Variants in FGGY observed in about 807,000 individuals in gnomAD.
FGGY encodes FGGY carbohydrate kinase domain-containing protein.
A neutral mutation model predicts 71.3 loss-of-function variants in FGGY; 72 were observed. That is an observed-to-expected ratio of 1.01 (90% CI 0.84 to 1.23). The LOEUF is 1.23. Among genes scored for constraint, FGGY ranks in the 50% most tolerant of loss-of-function variants. FGGY has a pLI of 0.00. For synonymous variants in FGGY, 251 were observed against 250.3 expected (o/e 1.00, Z -0.02); for missense variants, 668 against 682.3 (o/e 0.98, Z 0.23).
chr1:59,435,252 G>T (rs2068180645), intron 5 of FGGY, among the ~76,000 whole-genome samples: 1 of 152,152 alleles, frequency 6.6e-6, no homozygotes, highest in Non-Finnish European at 1.5e-5. Flanking sequence ...TTTGCCAGAG[G>T]CTTTGAAGCC....
rs972132396 is a variant in FGGY at position 59,685,869 on chromosome 1, G to C, written c.1512+11736G>C. ...ACCTGTTCAAGCAATCCCCTAGGGG[G>C]TTACTTTGACTGAACTTCAGGCAAC... On this transcript the variant is annotated intron_variant, in intron 14 of 15. Transcript: ENST00000303721. 3.3e-5 allele frequency among the ~76,000 whole-genome samples: 5 copies of C among 152,180 alleles called. No homozygotes were observed. The East Asian group carries it at 9.6e-4, about 29-fold the overall frequency.
At chr1:59,631,630 A>C (rs2096909401) in intron 10 of FGGY, among the ~76,000 whole-genome samples, 1 of 152,188 alleles carries the variant, frequency 6.6e-6, no homozygotes, top group African/African-American at 2.4e-5. Context: ...TGAAAACAGC[A>C]ATGCAGGTCA....
intron 11 of FGGY, among the ~76,000 whole-genome samples, chr1:59,657,691 C>T (rs1331591608): frequency 3.3e-5 from 5 of 152,208 alleles, no homozygotes; most frequent in Non-Finnish European, 5.9e-5. Context: ...CCTGCTTACT[C>T]TGCACCTTTT....
chr1:59,335,905 A>G (rs1360899152), intron 2 of FGGY, among the ~76,000 whole-genome samples: 1 of 152,124 alleles, frequency 6.6e-6, no homozygotes, highest in Non-Finnish European at 1.5e-5. Flanking sequence ...ATGCAAGTAT[A>G]TTATCAGATG....
intron 15 of FGGY, 34 bp from the exon 16 acceptor site, chr1:59,762,469 G>A (rs781684967): frequency 1.9e-6 from 3 of 1,553,592 alleles, no homozygotes; most frequent in East Asian, 4.5e-5. Flanking sequence ...GTTTTGTCTT[G>A]AGATCATTCA....
At chr1:59,694,795 G>A (rs2097642030) in intron 14 of FGGY, among the ~76,000 whole-genome samples, 1 of 151,856 alleles carries the variant, frequency 6.6e-6, no homozygotes, top group South Asian at 2.1e-4. Flanking sequence ...AGGTAGCTGG[G>A]ACTATGGATG....
chr1:59,419,540 C>T (rs2065052687), intron 5 of FGGY, among the ~76,000 whole-genome samples: 1 of 152,128 alleles, frequency 6.6e-6, no homozygotes, highest in African/African-American at 2.4e-5. Flanking sequence ...TCCAAGTATT[C>T]ATCTGAGAAC....
intron 7 of FGGY, among the ~76,000 whole-genome samples, chr1:59,513,834 T>G (rs902022350): frequency 6.6e-6 from 1 of 152,192 alleles, no homozygotes; most frequent in Non-Finnish European, 1.5e-5. Flanking sequence ...ATGCAACGGA[T>G]TATTAAATGG....
At chr1:59,706,510 A>G (rs1314823753) in intron 14 of FGGY, among the ~76,000 whole-genome samples, 2 of 152,214 alleles carry the variant, frequency 1.3e-5, no homozygotes, top group Non-Finnish European at 1.5e-5. Flanking sequence ...TTCACAGCCA[A>G]TTGACTTTGG....
At position 59,638,712 on chromosome 1, in the gene FGGY, C is replaced by T. The variant is rs542905039; in HGVS notation, c.1221+337C>T. Reference sequence around the variant, plus strand: ...TTTCCAGCTGCATCTTTAGGTTGCCCAGTAAATCAGTAGTAAATATTACCA... The same window carrying T: ...TTTCCAGCTGCATCTTTAGGTTGCCTAGTAAATCAGTAGTAAATATTACCA... On this transcript the variant is annotated intron_variant, in intron 11 of 15. Coordinates refer to ENST00000303721, the MANE Select transcript of FGGY (RefSeq NM_018291.5). Among the ~76,000 whole-genome samples the T allele has an allele frequency of 1.0e-3, 159 of 152,290 alleles. 5 individuals carry two copies. The South Asian group carries it at 0.031, about 30-fold the overall frequency.
chr1:59,575,022 G>T (rs1210303881), intron 8 of FGGY, among the ~76,000 whole-genome samples: 1 of 151,770 alleles, frequency 6.6e-6, no homozygotes, highest in African/African-American at 2.4e-5. Context: ...TATATTTATG[G>T]GGTTCAATGT....
Position 59,528,057 on chromosome 1 carries a change from C to G in FGGY, c.799+15618C>G, listed in dbSNP as rs963142391. 2.0e-5 allele frequency among the ~76,000 whole-genome samples: 3 copies of G among 152,160 alleles called. No individual in the cohort carries two copies. The South Asian group carries it at 6.2e-4, about 32-fold the overall frequency. On this transcript the variant is annotated intron_variant, in intron 7 of 15. Coordinates refer to ENST00000303721, the MANE Select transcript of FGGY (RefSeq NM_018291.5). ...GCCTAAATATCTGCACTGTATCCAG[C>G]CCACACATGAGCCTGATGAACTTCA...
At chr1:59,697,849 G>C (rs2097675428) in intron 14 of FGGY, 1 of 515,068 alleles carries the variant, frequency 1.9e-6, no homozygotes, top group Non-Finnish European at 3.0e-6. Context: ...GAAGCAATGA[G>C]AGTTGAAGAT....
chr1:59,378,914 C>G, intron 5 of FGGY, 77 bp downstream of exon 5: 1 of 1,198,750 alleles, frequency 8.3e-7, no homozygotes, highest in Non-Finnish European at 1.2e-6. Flanking sequence ...TTTCTTAACT[C>G]TCTTTGACTG....
At chr1:59,599,812 G>A (rs1368921928) in intron 8 of FGGY, among the ~76,000 whole-genome samples, 2 of 152,098 alleles carry the variant, frequency 1.3e-5, no homozygotes, top group Non-Finnish European at 1.5e-5. Flanking sequence ...TGGCACAAGG[G>A]GAATTTCAGG....
chr1:59,595,919 C>T (rs568265803), intron 8 of FGGY, among the ~76,000 whole-genome samples: 39 of 152,152 alleles, frequency 2.6e-4, no homozygotes, highest in Non-Finnish European at 5.3e-4. Flanking sequence ...TTGTTATGAT[C>T]TGTTCATAAC....
intron 2 of FGGY, among the ~76,000 whole-genome samples, chr1:59,329,243 T>G (rs1007703008): frequency 1.3e-5 from 2 of 152,200 alleles, no homozygotes; most frequent in Non-Finnish European, 2.9e-5. Context: ...ATTTTTTGAT[T>G]CCCCAGCATA....
intron 8 of FGGY, among the ~76,000 whole-genome samples, chr1:59,594,311 A>G (rs915020175): frequency 1.3e-5 from 2 of 152,256 alleles, no homozygotes; most frequent in African/African-American, 4.8e-5. Context: ...GAGTGCAGAA[A>G]GTTAAATAGT....
At chr1:59,588,941 A>G (rs2096369370) in intron 8 of FGGY, among the ~76,000 whole-genome samples, 1 of 152,218 alleles carries the variant, frequency 6.6e-6, no homozygotes, top group Non-Finnish European at 1.5e-5. Context: ...ACATAACAAT[A>G]TTAACTTTAA....
Sources: gnomAD v4.1 joint callset for allele counts (sites outside exome capture counted in the v4.1 genomes callset) on GRCh38, gnomAD v4.1.1 for gene constraint, MANE v1.5 for transcripts, NCBI Gene and HGNC (gene_info 2026-07-23, HGNC 2026-07-21) for gene names.